RNF214: variants seen among roughly 807,000 people sequenced by gnomAD.
RNF214 encodes the protein ring finger protein 214.
Under a neutral mutation model 75.9 loss-of-function variants are expected in RNF214, and 25 were observed. That is an observed-to-expected ratio of 0.33 (90% CI 0.24 to 0.46). The LOEUF is 0.46. RNF214 is among the 20% of genes least tolerant of loss of function. The pLI is 1.00. For synonymous variants in RNF214, 314 were observed against 308.8 expected, an observed-to-expected ratio of 1.02 and a Z score of -0.18; for missense variants, 725 against 857.5, an observed-to-expected ratio of 0.85 and a Z score of 1.93.
At chr11:117,243,016 CT>C (rs1463232053) in intron 4 of RNF214, among the ~76,000 whole-genome samples, 3 of 152,184 alleles carry the variant, frequency 2.0e-5, no homozygotes, top group Non-Finnish European at 4.4e-5. Flanking sequence ...TTCAGAATCC[CT>C]GGAAAGGTGT....
At chr11:117,239,219 T>G in intron 3 of RNF214, 108 bp downstream of exon 3, 1 of 1,166,766 alleles carries the variant, frequency 8.6e-7, no homozygotes, top group Non-Finnish European at 1.2e-6. Context: ...TGTTTTGTTT[T>G]TTGTTTTTTT....
At chr11:117,264,954 C>A (rs1229006233) in intron 6 of RNF214, among the ~76,000 whole-genome samples, 1 of 151,652 alleles carries the variant, frequency 6.6e-6, no homozygotes, top group East Asian at 1.9e-4. Flanking sequence ...GTACTCCCAG[C>A]TACTTGGGGA....
chr11:117,245,875 G>C (rs1431888485), intron 5 of RNF214, among the ~76,000 whole-genome samples: 1 of 152,180 alleles, frequency 6.6e-6, no homozygotes, highest in Non-Finnish European at 1.5e-5. Flanking sequence ...AGAAAGATGT[G>C]AAAGCATAAT....
chr11:117,260,682 A>G (rs57273566), intron 6 of RNF214, among the ~76,000 whole-genome samples: 282 of 122,420 alleles, frequency 2.3e-3, no homozygotes, highest in African/African-American at 8.5e-3. Flanking sequence ...ACGGAGTTTC[A>G]CTCTTGTTGC....
Position 117,285,293 on chromosome 11 carries a change from A to G in RNF214, c.*142A>G. The G allele has an allele frequency of 1.7e-6, 1 of 590,010 alleles. No individual in the cohort carries two copies. The allele number at this position is 590,010 out of a possible 1,614,324, so 36.5% of individuals were successfully genotyped here. Reference sequence around the variant, plus strand: ...ATTATATAGGTAATGTGTGTATAGAAAGTCTGTATTCCAATGTTCGTAAAT... The same window carrying G: ...ATTATATAGGTAATGTGTGTATAGAGAGTCTGTATTCCAATGTTCGTAAAT... On this transcript the variant is annotated 3_prime_UTR_variant, in exon 15 of 15. Coordinates refer to ENST00000300650, the MANE Select transcript of RNF214 (RefSeq NM_207343.4).
At chr11:117,283,710 GA>G (rs1350349724) in intron 14 of RNF214, among the ~76,000 whole-genome samples, 2 of 152,110 alleles carry the variant, frequency 1.3e-5, no homozygotes, top group East Asian at 3.9e-4. Context: ...GCCCAGACTG[GA>G]ATGCAGTGGC....
intron 14 of RNF214, 23 bp from the exon 15 acceptor site, chr11:117,285,063 G>A (rs1364833563): frequency 1.3e-6 from 2 of 1,555,772 alleles, no homozygotes; most frequent in South Asian, 2.2e-5. Context: ...ATAAACCTGA[G>A]GTGTGTCTTT....
chr11:117,241,748 T>C (rs1289064025), intron 4 of RNF214, among the ~76,000 whole-genome samples: 5 of 152,208 alleles, frequency 3.3e-5, no homozygotes, highest in Non-Finnish European at 7.3e-5. Flanking sequence ...CATCCTCAGA[T>C]GTTTTTAGTA....
At chr11:117,248,150 A>C (rs2033277494) in intron 6 of RNF214, among the ~76,000 whole-genome samples, 1 of 151,964 alleles carries the variant, frequency 6.6e-6, no homozygotes, top group South Asian at 2.1e-4. Context: ...ATCTCAGCTC[A>C]CTGCAAGCTC....
intron 6 of RNF214, among the ~76,000 whole-genome samples, chr11:117,263,436 C>G (rs192958777): frequency 2.0e-5 from 3 of 151,760 alleles, no homozygotes; most frequent in Non-Finnish European, 4.4e-5. Context: ...CCACCATGCC[C>G]GGCTAATTTT....
At chr11:117,241,700 T>C (rs1565329675) in intron 4 of RNF214, among the ~76,000 whole-genome samples, 1 of 152,200 alleles carries the variant, frequency 6.6e-6, no homozygotes. Flanking sequence ...CCTGCTCTTA[T>C]TCTCTTACTC....
At chr11:117,237,204 C>A (rs1307251294) in intron 2 of RNF214, among the ~76,000 whole-genome samples, 2 of 152,150 alleles carry the variant, frequency 1.3e-5, no homozygotes, top group African/African-American at 4.8e-5. Context: ...TTCAGCCTCC[C>A]AAGTAACTGA....
intron 6 of RNF214, chr11:117,263,784 T>TA (rs2033733305): frequency 5.3e-6 from 1 of 189,858 alleles, no homozygotes; most frequent in South Asian, 8.3e-5. Flanking sequence ...GTTATGTAGG[T>TA]AAAAATCTCT....
chr11:117,238,747 A>G lies in RNF214; in HGVS notation c.254A>G (p.His85Arg), dbSNP rs1312069501. Reference sequence around the variant, plus strand: ...TCAGCAGGTGACACCTCAGCAGCGCACCAGGTGGTTTTAGGAGAAAACTTG... The same window carrying G: ...TCAGCAGGTGACACCTCAGCAGCGCGCCAGGTGGTTTTAGGAGAAAACTTG... ...GSSAGDTSAA[H>R]QVVLGENLIA... The change falls in exon 3 of 15, where the codon CAC becomes CGC. Residue 85 changes from histidine to arginine, a missense_variant. By Grantham distance (29) the His-to-Arg change is conservative (BLOSUM62 0). Coordinates refer to ENST00000300650, the MANE Select transcript of RNF214 (RefSeq NM_207343.4). 1.2e-6 allele frequency: 2 copies of G among 1,614,166 alleles called. No individual in the cohort carries two copies. Among genetic ancestry groups the G allele is most frequent in the South Asian group, 1.1e-5 (1 of 91,080 alleles).
At chr11:117,279,794 A>G in intron 6 of RNF214, 114 bp from the exon 7 acceptor site, 2 of 639,908 alleles carry the variant, frequency 3.1e-6, no homozygotes, top group Non-Finnish European at 5.5e-6. Context: ...TACTTAGAGT[A>G]AGACTTCCTG....
At chr11:117,235,602 G>A (rs1304629011) in intron 2 of RNF214, among the ~76,000 whole-genome samples, 2 of 148,506 alleles carry the variant, frequency 1.3e-5, no homozygotes, top group African/African-American at 5.0e-5. Context: ...GGGTTCAAAC[G>A]TCTCCTGGAT....
intron 6 of RNF214, among the ~76,000 whole-genome samples, chr11:117,256,580 CG>C (rs1565337497): frequency 6.6e-6 from 1 of 152,152 alleles, no homozygotes; most frequent in Non-Finnish European, 1.5e-5. Context: ...CATATAGTCT[CG>C]GGGCTTTTCC....
chr11:117,264,239 C>T (rs551280444), intron 6 of RNF214, among the ~76,000 whole-genome samples: 2 of 152,066 alleles, frequency 1.3e-5, no homozygotes, highest in Non-Finnish European at 2.9e-5. Context: ...AGGAGAATGG[C>T]GTGAACCCGG....
At chr11:117,236,533 A>G (rs942387838) in intron 2 of RNF214, among the ~76,000 whole-genome samples, 1 of 152,104 alleles carries the variant, frequency 6.6e-6, no homozygotes, top group African/African-American at 2.4e-5. Flanking sequence ...CAGCCTCCCA[A>G]AGTGTTGGGA....
Sources: allele counts gnomAD v4.1 joint callset (sites outside exome capture counted in the v4.1 genomes callset), GRCh38; gene constraint gnomAD v4.1.1; transcripts MANE v1.5; gene names NCBI Gene and HGNC (gene_info 2026-07-23, HGNC 2026-07-21).